The following F13A1 variants were observed in gnomAD, a reference collection of about 807,000 sequenced individuals.
The protein encoded by F13A1 is coagulation factor XIII A chain, also known as FSF, A subunit.
In F13A1, 47 loss-of-function variants were observed where a neutral mutation model predicts 80.1. The ratio of observed to expected loss-of-function variants is 0.59; its 90% CI spans 0.46 to 0.75. The LOEUF (loss-of-function observed/expected upper bound fraction) is 0.75. Among genes scored for constraint, F13A1 ranks in the 30% least tolerant of loss-of-function variants. The pLI is 0.00. For missense variants in F13A1, 817 were observed against 930.4 expected, an observed-to-expected ratio of 0.88 and a Z score of 1.59; for synonymous variants, 349 against 344.9, an observed-to-expected ratio of 1.01 and a Z score of -0.13.
chr6:6,168,492 G>T (rs1319229620), intron 12 of F13A1, among the ~76,000 whole-genome samples: 1 of 152,198 alleles, frequency 6.6e-6, no homozygotes, highest in African/African-American at 2.4e-5. Context: ...TGCACCCACT[G>T]CTACCTGGTT....
intron 4 of F13A1, among the ~76,000 whole-genome samples, chr6:6,255,625 A>G (rs2113109317): frequency 6.6e-6 from 1 of 152,186 alleles, no homozygotes; most frequent in South Asian, 2.1e-4. Flanking sequence ...TGAAGGATTT[A>G]CCTTTGGGCT....
chr6:6,293,782 AGAGGGAGG>A (rs575581821), intron 3 of F13A1, among the ~76,000 whole-genome samples: 4,023 of 66,860 alleles, frequency 0.06, 155 homozygotes, highest in Middle Eastern at 0.096. Flanking sequence ...AGTGAGAGAG[AGAGGGAGG>A]GAGGGAGGGA....
intron 10 of F13A1, among the ~76,000 whole-genome samples, chr6:6,189,439 C>T (rs1454968867): frequency 2.4e-5 from 3 of 124,022 alleles, no homozygotes; most frequent in African/African-American, 8.4e-5. Flanking sequence ...AATCTCTCAG[C>T]ATTTGCTTGT....
intron 3 of F13A1, 28 bp downstream of exon 3, chr6:6,305,323 A>G (rs546023959): frequency 6.2e-7 from 1 of 1,613,640 alleles, no homozygotes; most frequent in Non-Finnish European, 8.5e-7. Context: ...CCATGGTGTC[A>G]AGACTGGAGC....
At chr6:6,189,956 T>G (rs1199203930) in intron 10 of F13A1, among the ~76,000 whole-genome samples, 1 of 152,122 alleles carries the variant, frequency 6.6e-6, no homozygotes, top group Non-Finnish European at 1.5e-5. Flanking sequence ...CTTCCCATCT[T>G]GCTTCATTTC....
At chr6:6,185,503 A>C (rs1047368966) in intron 10 of F13A1, among the ~76,000 whole-genome samples, 2 of 151,644 alleles carry the variant, frequency 1.3e-5, no homozygotes, top group African/African-American at 2.4e-5. Context: ...TAGTTTACTG[A>C]GAATGATGAT....
chr6:6,237,122 A>G (rs1757423743), intron 6 of F13A1, among the ~76,000 whole-genome samples: 1 of 152,122 alleles, frequency 6.6e-6, no homozygotes, highest in South Asian at 2.1e-4. Flanking sequence ...TTTCTCTTTT[A>G]TGTATTTGGA....
intron 13 of F13A1, among the ~76,000 whole-genome samples, chr6:6,165,151 C>T (rs1220795636): frequency 6.6e-6 from 1 of 152,162 alleles, no homozygotes; most frequent in African/African-American, 2.4e-5. Flanking sequence ...TGCTCTCTTC[C>T]CTATCAAATG....
intron 3 of F13A1, among the ~76,000 whole-genome samples, chr6:6,281,771 A>C (rs1583109047): frequency 6.6e-6 from 1 of 152,066 alleles, no homozygotes; most frequent in Non-Finnish European, 1.5e-5. Context: ...AGGCAGGCAG[A>C]TCACGAGGTC....
intron 11 of F13A1, among the ~76,000 whole-genome samples, chr6:6,176,605 T>A (rs6597195): frequency 0.69 from 105,184 of 152,110 alleles, 36,737 homozygotes; most frequent in Non-Finnish European, 0.73. Flanking sequence ...CAGGAACAGT[T>A]GGTCTAGGAC....
At chr6:6,194,264 T>C (rs186796223) in intron 10 of F13A1, among the ~76,000 whole-genome samples, 22 of 152,212 alleles carry the variant, frequency 1.4e-4, no homozygotes, top group Admixed American at 3.9e-4. Context: ...AGCAAGTCTC[T>C]CAGGGAGGTC....
chr6:6,311,791 TTTATATA>T (rs1382600122), intron 2 of F13A1, among the ~76,000 whole-genome samples: 1 of 145,018 alleles, frequency 6.9e-6, no homozygotes, highest in Non-Finnish European at 1.5e-5. Flanking sequence ...TATTTATATC[TTTATATA>T]TTATATATTG....
At chr6:6,225,267 TAACTC>T (rs1757260599) in intron 6 of F13A1, among the ~76,000 whole-genome samples, 1 of 152,098 alleles carries the variant, frequency 6.6e-6, no homozygotes, top group Non-Finnish European at 1.5e-5. Flanking sequence ...GGTGGAAAGA[TAACTC>T]AAAACTCACA....
chr6:6,267,183 C>T (rs1757857157), intron 3 of F13A1, among the ~76,000 whole-genome samples: 1 of 152,168 alleles, frequency 6.6e-6, no homozygotes, highest in African/African-American at 2.4e-5. Flanking sequence ...CTGTGCAATT[C>T]TGTGAGGATG....
At chr6:6,236,232 G>C (rs1026965929) in intron 6 of F13A1, among the ~76,000 whole-genome samples, 1 of 151,978 alleles carries the variant, frequency 6.6e-6, no homozygotes, top group East Asian at 1.9e-4. Context: ...TTTAGTGTTC[G>C]TTTCATGGGT....
At chr6:6,311,789 T>C (rs145959674) in intron 2 of F13A1, among the ~76,000 whole-genome samples, 3,559 of 145,258 alleles carry the variant, frequency 0.025, 87 homozygotes, top group South Asian at 0.088. Flanking sequence ...ATTATTTATA[T>C]CTTTATATAT....
intron 4 of F13A1, among the ~76,000 whole-genome samples, chr6:6,258,283 A>T (rs899213180): frequency 3.3e-5 from 5 of 152,212 alleles, no homozygotes; most frequent in Admixed American, 2.0e-4. Context: ...ATCTGAGTCT[A>T]ATAATCGTCT....
At chr6:6,188,914 G>T (rs1263608233) in intron 10 of F13A1, among the ~76,000 whole-genome samples, 1 of 71,020 alleles carries the variant, frequency 1.4e-5, no homozygotes, top group Non-Finnish European at 2.4e-5. Context: ...CTCCTGTATT[G>T]GGTGCATATA....
At chr6:6,189,476 C>G (rs1761140341) in intron 10 of F13A1, among the ~76,000 whole-genome samples, 1 of 136,920 alleles carries the variant, frequency 7.3e-6, no homozygotes, top group South Asian at 2.9e-4. Context: ...TTCTCCTTCA[C>G]TTATGAAGCT....
Sources: allele counts gnomAD v4.1 joint callset (sites outside exome capture counted in the v4.1 genomes callset), GRCh38; gene constraint gnomAD v4.1.1; transcripts MANE v1.5; gene names NCBI Gene and HGNC (gene_info 2026-07-23, HGNC 2026-07-21).